Variants in GPC6 observed in about 807,000 individuals in gnomAD.
GPC6 encodes the protein glypican 6.
GPC6 carries 14 observed loss-of-function variants against 55.2 expected under a neutral mutation model. The observed-to-expected ratio is 0.25, with a 90% CI of 0.17 to 0.40. The LOEUF (loss-of-function observed/expected upper bound fraction) is 0.40, where lower values mean the gene tolerates loss of function less well. Ranked by LOEUF, GPC6 falls within the 10% of genes least tolerant of loss-of-function variation. GPC6 has a pLI of 1.00. For missense variants in GPC6, 641 were observed against 708.5 expected (o/e 0.90, Z 1.08); for synonymous variants, 278 against 259.6 (o/e 1.07, Z -0.68).
At chr13:93,621,991 C>A (rs1878972483) in intron 2 of GPC6, among the ~76,000 whole-genome samples, 1 of 152,056 alleles carries the variant, frequency 6.6e-6, no homozygotes, top group Non-Finnish European at 1.5e-5. Context: ...TACCCATTAA[C>A]CAACCTCTTT....
intron 1 of GPC6, among the ~76,000 whole-genome samples, chr13:93,247,789 C>T (rs954991772): frequency 2.0e-5 from 3 of 152,080 alleles, no homozygotes; most frequent in African/African-American, 7.2e-5. Context: ...TAAAATATAA[C>T]TTGGAAATGT....
chr13:93,642,055 A>G (rs1280515313), intron 2 of GPC6, among the ~76,000 whole-genome samples: 2 of 152,002 alleles, frequency 1.3e-5, no homozygotes. Flanking sequence ...TTACAAAGCT[A>G]TATTGCATGA....
At chr13:93,557,342 G>A (rs1193351258) in intron 2 of GPC6, among the ~76,000 whole-genome samples, 1 of 152,068 alleles carries the variant, frequency 6.6e-6, no homozygotes, top group East Asian at 1.9e-4. Context: ...TAGAGTACAA[G>A]TAGAAGCCTA....
chr13:94,031,093 C>CGTGT (rs1242184492), intron 4 of GPC6, among the ~76,000 whole-genome samples: 1 of 148,598 alleles, frequency 6.7e-6, no homozygotes, highest in East Asian at 2.0e-4. Flanking sequence ...TGTGTGTGTG[C>CGTGT]GTGTGTGTGT....
chr13:93,455,883 G>A (rs565826298), intron 1 of GPC6, among the ~76,000 whole-genome samples: 2 of 152,264 alleles, frequency 1.3e-5, no homozygotes, highest in South Asian at 2.1e-4. Context: ...TAAGTTCTGC[G>A]TCATGAACTG....
chr13:93,297,193 AG>A (rs1251103285), intron 1 of GPC6, among the ~76,000 whole-genome samples: 1 of 152,212 alleles, frequency 6.6e-6, no homozygotes, highest in African/African-American at 2.4e-5. Flanking sequence ...CACAGCTAAA[AG>A]AACCTAAGTA....
chr13:93,917,379 T>A (rs1877344479), intron 3 of GPC6, among the ~76,000 whole-genome samples: 2 of 152,192 alleles, frequency 1.3e-5, no homozygotes, highest in Admixed American at 1.3e-4. Context: ...CTGTTTTTTT[T>A]CAAGTTTCAA....
At chr13:93,843,940 A>G (rs1181077819) in intron 3 of GPC6, among the ~76,000 whole-genome samples, 1 of 152,186 alleles carries the variant, frequency 6.6e-6, no homozygotes, top group Non-Finnish European at 1.5e-5. Flanking sequence ...CCATGTGTCA[A>G]GAAAAATAAT....
In GPC6 at chr13:93,953,342, T is replaced by A. The variant is rs184074212; in HGVS notation, c.712-74387T>A. On this transcript the variant is annotated intron_variant, in intron 3 of 8. Coordinates refer to ENST00000377047, the MANE Select transcript of GPC6 (RefSeq NM_005708.5). ...TTGTCATCTTTATCATCCTGAATGG[T>A]TGCCTCCTACTTTCCCCTTCAGACT... Among the ~76,000 whole-genome samples the A allele has an allele frequency of 1.0e-3, 152 of 152,292 alleles. 2 individuals are homozygous for A. In the East Asian group the frequency reaches 0.02, roughly 21 times the overall value.
At chr13:93,313,926 C>A (rs8000037) in intron 1 of GPC6, among the ~76,000 whole-genome samples, 48,153 of 152,006 alleles carry the variant, frequency 0.32, 8,057 homozygotes, top group East Asian at 0.48. Context: ...TACTGTGCAA[C>A]CTTTTCTGTA....
At chr13:93,539,918 C>T (rs548742672) in intron 1 of GPC6, among the ~76,000 whole-genome samples, 9 of 152,106 alleles carry the variant, frequency 5.9e-5, no homozygotes, top group South Asian at 4.2e-4. Context: ...CTCAAACTAA[C>T]GACCTCAGGT....
intron 3 of GPC6, among the ~76,000 whole-genome samples, chr13:93,916,443 G>A (rs1224001798): frequency 1.3e-5 from 2 of 151,994 alleles, no homozygotes; most frequent in Non-Finnish European, 2.9e-5. Flanking sequence ...ACTTTCCTTC[G>A]GATGTCTTTC....
At chr13:94,206,224 T>C (rs1889897605) in intron 4 of GPC6, among the ~76,000 whole-genome samples, 1 of 152,218 alleles carries the variant, frequency 6.6e-6, no homozygotes, top group South Asian at 2.1e-4. Context: ...GAAATGCTTT[T>C]CTATGAGAAG....
intron 1 of GPC6, among the ~76,000 whole-genome samples, chr13:93,506,504 A>C: frequency 6.6e-6 from 1 of 152,162 alleles, no homozygotes; most frequent in East Asian, 1.9e-4. Context: ...CTGACTTACC[A>C]ATATGTACTT....
chr13:93,936,600 A>C (rs1232179003), intron 3 of GPC6, among the ~76,000 whole-genome samples: 1 of 152,142 alleles, frequency 6.6e-6, no homozygotes. Context: ...TTATGCACCT[A>C]CTCAAATATT....
At chr13:94,190,020 CAA>C (rs551911889) in intron 4 of GPC6, among the ~76,000 whole-genome samples, 30 of 126,722 alleles carry the variant, frequency 2.4e-4, no homozygotes, top group Middle Eastern at 4.4e-3. Context: ...GACTCTGTCT[CAA>C]AAAAAAAAAA....
At position 93,719,232 on chromosome 13, in the gene GPC6, A is replaced by G. The variant is rs550262252; in HGVS notation, c.320-110922A>G. Among the ~76,000 whole-genome samples, 5 of 152,116 alleles carry G rather than the reference A, an allele frequency of 3.3e-5. No individual in the cohort carries two copies. In the East Asian group the frequency reaches 9.7e-4, roughly 30 times the overall value. ...ATCCATGAGCATGGAATGTTTTTCC[A>G]TTAGTTTGTGTCCTCTGTTATTTCC... On this transcript the variant is annotated intron_variant, in intron 2 of 8. Transcript: ENST00000377047.
chr13:94,155,387 T>G (rs1887897863), intron 4 of GPC6, among the ~76,000 whole-genome samples: 1 of 152,192 alleles, frequency 6.6e-6, no homozygotes, highest in Admixed American at 6.5e-5. Context: ...CATGTAAATA[T>G]CTCAAATTAC....
At chr13:93,621,557 G>C (rs559175771) in intron 2 of GPC6, among the ~76,000 whole-genome samples, 1 of 152,240 alleles carries the variant, frequency 6.6e-6, no homozygotes, top group South Asian at 2.1e-4. Context: ...GGGGAATCTG[G>C]ATTACTAACA....
Sources: gnomAD v4.1 joint callset for allele counts (sites outside exome capture counted in the v4.1 genomes callset) on GRCh38, gnomAD v4.1.1 for gene constraint, MANE v1.5 for transcripts, NCBI Gene and HGNC (gene_info 2026-07-23, HGNC 2026-07-21) for gene names.